CCDC68: variants seen among roughly 807,000 people sequenced by gnomAD.
CCDC68 encodes coiled-coil domain containing 68.
CCDC68 carries 45 observed loss-of-function variants against 47.1 expected under a neutral mutation model. The observed-to-expected ratio is 0.96, with a 90% CI of 0.75 to 1.23. The LOEUF (loss-of-function observed/expected upper bound fraction) is 1.23. Among genes scored for constraint, CCDC68 ranks in the 50% most tolerant of loss-of-function variants. The probability of loss-of-function intolerance (pLI) is 0.00; values close to 1 mark genes in which losing one functional copy is unlikely to be tolerated. For missense variants in CCDC68, 353 were observed against 373.6 expected, an observed-to-expected ratio of 0.94 and a Z score of 0.45; for synonymous variants, 131 against 129.5, an observed-to-expected ratio of 1.01 and a Z score of -0.08.
intron 1 of CCDC68, among the ~76,000 whole-genome samples, chr18:54,951,774 T>C (rs754294012): frequency 2.0e-5 from 3 of 152,202 alleles, no homozygotes; most frequent in Non-Finnish European, 2.9e-5. Flanking sequence ...GTAGATTTAT[T>C]CCATGAACAA....
intron 8 of CCDC68, among the ~76,000 whole-genome samples, chr18:54,921,963 T>C (rs1321874016): frequency 6.6e-6 from 1 of 152,108 alleles, no homozygotes; most frequent in Non-Finnish European, 1.5e-5. Flanking sequence ...ACCAAGTAAA[T>C]AAACAAGCAG....
intron 8 of CCDC68, among the ~76,000 whole-genome samples, chr18:54,925,873 G>C (rs927970509): frequency 6.6e-6 from 1 of 152,134 alleles, no homozygotes; most frequent in African/African-American, 2.4e-5. Context: ...CAGACTAAGG[G>C]AAAGAATCAG....
intron 5 of CCDC68, chr18:54,937,524 A>G (rs556026569): frequency 2.0e-5 from 3 of 153,720 alleles, no homozygotes; most frequent in African/African-American, 7.2e-5. Flanking sequence ...AGACAAATGT[A>G]AAAATATTGT....
intron 10 of CCDC68, among the ~76,000 whole-genome samples, chr18:54,916,291 A>T (rs1004972727): frequency 6.6e-6 from 1 of 152,224 alleles, no homozygotes; most frequent in Non-Finnish European, 1.5e-5. Context: ...CCTATCCTCA[A>T]AACCAAAAGA....
chr18:54,904,886 T>C (rs749248858), intron 11 of CCDC68, among the ~76,000 whole-genome samples: 5 of 152,184 alleles, frequency 3.3e-5, no homozygotes, highest in Non-Finnish European at 7.3e-5. Context: ...GACATATGTA[T>C]GCATGCACAC....
rs769350087 is a variant in CCDC68, at chr18:54,904,402, C to T, written c.964G>A (p.Glu322Lys). The stretch of plus-strand genomic sequence containing the variant: ...AACATTAAATAAGGGGAAACACCTT[C>T]GGTCTTCAATTCACTGTAGAAAAGA... ...KAVSTSELKT[E>K]GVSPYLMLIR... Residue 322 changes from glutamate to lysine, a missense_variant, in exon 12 of 12, where the codon GAA (glutamate) becomes AAA (lysine). Glu to Lys is a moderately conservative substitution (Grantham distance 56, BLOSUM62 1). Coordinates refer to ENST00000591504, the MANE Select transcript of CCDC68 (RefSeq NM_025214.3). 1.5e-5 allele frequency: 25 copies of T among 1,613,194 alleles called. No individual in the cohort carries two copies. Among genetic ancestry groups the T allele is most frequent in the Middle Eastern group, 1.7e-4 (1 of 6,056 alleles).
intron 10 of CCDC68, among the ~76,000 whole-genome samples, chr18:54,912,812 C>A (rs367710816): frequency 6.6e-6 from 1 of 152,258 alleles, no homozygotes; most frequent in South Asian, 2.1e-4. Context: ...CGCAAAGACA[C>A]GTCTTACATG....
intron 3 of CCDC68, among the ~76,000 whole-genome samples, chr18:54,942,319 G>T (rs960272504): frequency 9.9e-4 from 151 of 151,910 alleles, no homozygotes; most frequent in African/African-American, 3.6e-3. Flanking sequence ...CGTCTACTTG[G>T]GAACACGATC....
chr18:54,920,126 C>A (rs1051648949), intron 8 of CCDC68, among the ~76,000 whole-genome samples: 1 of 152,154 alleles, frequency 6.6e-6, no homozygotes, highest in African/African-American at 2.4e-5. Flanking sequence ...AGTTATGAAG[C>A]CACATGCACT....
chr18:54,912,683 T>C lies in CCDC68; in HGVS notation c.874-4821A>G, dbSNP rs139506515. 7.4e-3 allele frequency among the ~76,000 whole-genome samples: 1,129 copies of C among 152,274 alleles called. 12 individuals are homozygous for C. The highest frequency in any genetic ancestry group is 0.051 in the Middle Eastern group (15 of 294). ...AATCACCCAGTGTATTAGTCTGTAC[T>C]GACGCTGCTAATAAAGATGTACCCA... On this transcript the variant is annotated intron_variant, in intron 10 of 11. Transcript: ENST00000591504.
At chr18:54,956,727 T>C (rs1241765310) in intron 1 of CCDC68, among the ~76,000 whole-genome samples, 1 of 151,984 alleles carries the variant, frequency 6.6e-6, no homozygotes. Flanking sequence ...ACAGACAAAA[T>C]AGATTAGGGG....
intron 7 of CCDC68, among the ~76,000 whole-genome samples, chr18:54,930,572 G>A (rs1459935718): frequency 6.8e-6 from 1 of 147,960 alleles, no homozygotes; most frequent in African/African-American, 2.5e-5. Flanking sequence ...ATTTCTGAAG[G>A]ATCACAGATA....
At chr18:54,934,149 AT>A (rs1267175627) in intron 7 of CCDC68, among the ~76,000 whole-genome samples, 4 of 152,242 alleles carry the variant, frequency 2.6e-5, no homozygotes, top group Admixed American at 2.6e-4. Flanking sequence ...CTAATAAAAA[AT>A]ATTCCTTGAT....
chr18:54,930,065 A>G (rs2044216462), intron 7 of CCDC68, among the ~76,000 whole-genome samples: 1 of 152,216 alleles, frequency 6.6e-6, no homozygotes, highest in African/African-American at 2.4e-5. Flanking sequence ...TCTGTCCGGT[A>G]GAAGACATAA....
rs183476584 is a variant in CCDC68 at position 54,955,546 on chromosome 18, G to A, written c.-103+3790C>T. 2.0e-3 allele frequency among the ~76,000 whole-genome samples: 300 copies of A among 151,718 alleles called. 1 individual carries two copies. Among genetic ancestry groups the A allele is most frequent in the Admixed American group, 5.7e-3 (87 of 15,256 alleles). ...AAGCATAAGTTGTGAAGCATGACCCGCCCCCACCACTCAAAATGCATTTGC... is the reference window on the plus strand; with the variant it reads ...AAGCATAAGTTGTGAAGCATGACCCACCCCCACCACTCAAAATGCATTTGC... On this transcript the variant is annotated intron_variant, in intron 1 of 11. Coordinates refer to ENST00000591504, the MANE Select transcript of CCDC68 (RefSeq NM_025214.3).
At chr18:54,932,544 C>A (rs764451707) in intron 7 of CCDC68, among the ~76,000 whole-genome samples, 5 of 152,186 alleles carry the variant, frequency 3.3e-5, no homozygotes, top group Non-Finnish European at 7.3e-5. Context: ...ACATCATCCA[C>A]ACTTACCTCC....
intron 1 of CCDC68, among the ~76,000 whole-genome samples, chr18:54,948,170 T>C (rs977466225): frequency 9.9e-5 from 15 of 152,134 alleles, no homozygotes; most frequent in Admixed American, 9.8e-4. Flanking sequence ...TATTTAAAAA[T>C]AGGGTTTTGC....
chr18:54,944,510 G>T (rs2044492222), intron 2 of CCDC68, among the ~76,000 whole-genome samples: 2 of 152,106 alleles, frequency 1.3e-5, no homozygotes, highest in Admixed American at 6.5e-5. Context: ...TATCAAAAAT[G>T]TTAAATCCCT....
intron 1 of CCDC68, among the ~76,000 whole-genome samples, chr18:54,951,398 A>G (rs8093572): frequency 6.6e-6 from 1 of 151,936 alleles, no homozygotes; most frequent in Non-Finnish European, 1.5e-5. Flanking sequence ...AGTGAGGACT[A>G]TATGCCAGGT....
Sources: allele counts gnomAD v4.1 joint callset (sites outside exome capture counted in the v4.1 genomes callset), GRCh38; gene constraint gnomAD v4.1.1; transcripts MANE v1.5; gene names NCBI Gene and HGNC (gene_info 2026-07-23, HGNC 2026-07-21).